C5orf46: variants seen among roughly 807,000 people sequenced by gnomAD.
C5orf46 encodes chromosome 5 open reading frame 46, also known as uncharacterized protein C5orf46.
Under a neutral mutation model 8.9 loss-of-function variants are expected in C5orf46, and 9 were observed. The observed-to-expected ratio is 1.01, with a 90% CI of 0.61 to 1.76. C5orf46 has a LOEUF of 1.76. C5orf46 is among the 40% of genes most tolerant of loss of function. The pLI, the probability that C5orf46 is intolerant of heterozygous loss-of-function variation, is 0.00. For missense variants in C5orf46, 98 were observed against 107.8 expected (o/e 0.91, Z 0.40); for synonymous variants, 47 against 41.4 (o/e 1.14, Z -0.52).
chr5:147,903,150 C>T (rs958574484), intron 1 of C5orf46, among the ~76,000 whole-genome samples: 2 of 152,174 alleles, frequency 1.3e-5, no homozygotes, highest in Non-Finnish European at 2.9e-5. Context: ...GTGACAGTAG[C>T]TACATGTGGT....
downstream of C5orf46, among the ~76,000 whole-genome samples, chr5:147,889,731 T>A (rs545669257): frequency 1.3e-5 from 2 of 152,280 alleles, no homozygotes; most frequent in South Asian, 4.1e-4. Context: ...CAGACTTTTG[T>A]TCGAGTTTGG....
intron 2 of C5orf46, 43 bp downstream of exon 2, chr5:147,901,586 A>AAC (rs754238928): frequency 1.3e-6 from 2 of 1,592,310 alleles, no homozygotes; most frequent in Non-Finnish European, 1.7e-6. Context: ...GGTCATTATC[A>AAC]ACAGAGAATT....
At chr5:147,888,979 T>C (rs1289121303), downstream of C5orf46, among the ~76,000 whole-genome samples, 1 of 152,144 alleles carries the variant, frequency 6.6e-6, no homozygotes, top group Non-Finnish European at 1.5e-5. Context: ...TTGAAGGCTT[T>C]TTCACAATGT....
intron 3 of C5orf46, among the ~76,000 whole-genome samples, chr5:147,894,755 T>TAA (rs370684673): frequency 3.7e-4 from 49 of 130,680 alleles, no homozygotes; most frequent in East Asian, 8.7e-4. Context: ...AAGAAATGTG[T>TAA]AAAAAAAAAA....
chr5:147,901,283 C>T (rs1350776861), intron 2 of C5orf46: 3 of 168,994 alleles, frequency 1.8e-5, no homozygotes, highest in Non-Finnish European at 3.8e-5. Context: ...GGGCCTTGTT[C>T]AAGACCACCT....
downstream of C5orf46, among the ~76,000 whole-genome samples, chr5:147,890,870 G>A (rs1173116556): frequency 1.3e-5 from 2 of 152,176 alleles, no homozygotes; most frequent in African/African-American, 4.8e-5. Context: ...TAAATGAAGT[G>A]TTTGTTTCAA....
At chr5:147,902,724 C>T (rs1417738442) in intron 1 of C5orf46, among the ~76,000 whole-genome samples, 1 of 152,178 alleles carries the variant, frequency 6.6e-6, no homozygotes, top group Non-Finnish European at 1.5e-5. Context: ...CTATGATGAG[C>T]TGCACAGTCT....
intron 1 of C5orf46, among the ~76,000 whole-genome samples, chr5:147,904,885 A>T (rs1336797329): frequency 6.7e-6 from 1 of 149,814 alleles, no homozygotes; most frequent in Non-Finnish European, 1.5e-5. Context: ...TACATATATC[A>T]TATATATACC....
chr5:147,895,674 A>G (rs964420269), intron 3 of C5orf46, among the ~76,000 whole-genome samples: 2 of 152,168 alleles, frequency 1.3e-5, no homozygotes, highest in African/African-American at 4.8e-5. Flanking sequence ...GGTACCAAAA[A>G]TTATAGGTGT....
chr5:147,893,966 C>A (rs868402232), intron 3 of C5orf46, among the ~76,000 whole-genome samples: 1 of 150,378 alleles, frequency 6.6e-6, no homozygotes, highest in South Asian at 2.1e-4. Flanking sequence ...TTCATGAAAA[C>A]GTAATCAAGT....
At chr5:147,904,284 TCA>T (rs1393232764) in intron 1 of C5orf46, among the ~76,000 whole-genome samples, 1 of 152,170 alleles carries the variant, frequency 6.6e-6, no homozygotes, top group Non-Finnish European at 1.5e-5. Context: ...AGCAGTGGTA[TCA>T]CAGTTACAGC....
At chr5:147,888,643 A>G (rs1463393124), downstream of C5orf46, among the ~76,000 whole-genome samples, 1 of 152,068 alleles carries the variant, frequency 6.6e-6, no homozygotes, top group Non-Finnish European at 1.5e-5. Flanking sequence ...TTCCTTAGGA[A>G]CCTTCCTTCA....
At chr5:147,893,849 C>T (rs936899200) in intron 3 of C5orf46, among the ~76,000 whole-genome samples, 6 of 152,100 alleles carry the variant, frequency 3.9e-5, no homozygotes, top group African/African-American at 1.4e-4. Context: ...GGCACTATGC[C>T]CAGCCATCAC....
chr5:147,893,907 ATT>A (rs112629955), intron 3 of C5orf46, among the ~76,000 whole-genome samples: 20 of 142,732 alleles, frequency 1.4e-4, no homozygotes, highest in Non-Finnish European at 1.2e-4. Flanking sequence ...GGGAAGGCAT[ATT>A]TTTTTTTTTT....
intron 2 of C5orf46, among the ~76,000 whole-genome samples, chr5:147,898,347 A>G (rs1757615327): frequency 6.6e-6 from 1 of 152,138 alleles, no homozygotes; most frequent in Non-Finnish European, 1.5e-5. Flanking sequence ...GATGAAGGTG[A>G]TGATGAGCAG....
intron 1 of C5orf46, among the ~76,000 whole-genome samples, chr5:147,905,364 C>T (rs1279590257): frequency 6.6e-6 from 1 of 152,168 alleles, no homozygotes; most frequent in Non-Finnish European, 1.5e-5. Context: ...AACGATTTAA[C>T]CAGTTTCAGA....
At chr5:147,894,480 G>A (rs924337713) in intron 3 of C5orf46, among the ~76,000 whole-genome samples, 1 of 152,088 alleles carries the variant, frequency 6.6e-6, no homozygotes, top group Non-Finnish European at 1.5e-5. Flanking sequence ...ATCATATCAG[G>A]TTGTGTGTAG....
chr5:147,901,153 A>G (rs1757662568), intron 2 of C5orf46, among the ~76,000 whole-genome samples: 1 of 152,196 alleles, frequency 6.6e-6, no homozygotes, highest in African/African-American at 2.4e-5. Context: ...ACCCATCACT[A>G]ACGAACATAT....
intron 1 of C5orf46, among the ~76,000 whole-genome samples, chr5:147,903,600 T>C (rs1355361387): frequency 2.0e-5 from 3 of 152,328 alleles, no homozygotes; most frequent in African/African-American, 7.2e-5. Context: ...GGCAATTCTA[T>C]GAGCATTTAT....
Sources: gnomAD v4.1 joint callset for allele counts (sites outside exome capture counted in the v4.1 genomes callset) on GRCh38, gnomAD v4.1.1 for gene constraint, MANE v1.5 for transcripts, NCBI Gene and HGNC (gene_info 2026-07-23, HGNC 2026-07-21) for gene names.